The following PDE4D variants were observed in gnomAD, a reference collection of about 807,000 sequenced individuals.
The protein encoded by PDE4D is phosphodiesterase 4D.
In PDE4D, 24 loss-of-function variants were observed where a neutral mutation model predicts 87.4. That is an observed-to-expected ratio of 0.27 (90% CI 0.20 to 0.39). The LOEUF is 0.39. Among genes scored for constraint, PDE4D ranks in the 10% least tolerant of loss-of-function variants. PDE4D has a pLI of 1.00. For synonymous variants in PDE4D, 384 were observed against 383.2 expected (o/e 1.00, Z -0.02); for missense variants, 714 against 1,041.0 (o/e 0.69, Z 4.32).
intron 1 of PDE4D, among the ~76,000 whole-genome samples, chr5:59,416,105 C>A (rs1793561790): frequency 6.6e-6 from 1 of 152,218 alleles, no homozygotes; most frequent in Non-Finnish European, 1.5e-5. Context: ...AATCTCCCTA[C>A]TCTCTTGTCC....
In PDE4D at chr5:58,975,991, T is replaced by C. The variant is rs1404840007; in HGVS notation, c.1831-152A>G. 6.6e-6 allele frequency among the ~76,000 whole-genome samples: 1 copy of C among 152,210 alleles called. No homozygotes were observed. ...CCAAACAGCTCAACCATGATGTGTC[T>C]GTGTATAGTTCACACTTGTATTAAT... On this transcript the variant is annotated intron_variant, in intron 13 of 14. Transcript: ENST00000340635. This position sits in a 1 kb window ranked among gnomAD's most constrained non-coding sequence, Gnocchi z 4.2.
chr5:59,046,420 A>ATGTG (rs34085161), intron 5 of PDE4D, among the ~76,000 whole-genome samples: 23,457 of 143,204 alleles, frequency 0.16, 2,362 homozygotes, highest in East Asian at 0.57. Context: ...GAGAGAGAGA[A>ATGTG]TGTGTGTGTG....
At chr5:60,049,617 A>G (rs1362990442) in intron 2 of PDE4D, among the ~76,000 whole-genome samples, 3 of 152,056 alleles carry the variant, frequency 2.0e-5, no homozygotes, top group East Asian at 1.9e-4. Flanking sequence ...CTGTTGGAGT[A>G]CCCAGCCGTG....
intron 5 of PDE4D, among the ~76,000 whole-genome samples, chr5:59,048,605 C>T (rs537113792): frequency 6.6e-6 from 1 of 152,266 alleles, no homozygotes; most frequent in African/African-American, 2.4e-5. Context: ...GTCAAGGATC[C>T]CATCCAATAC....
intron 1 of PDE4D, among the ~76,000 whole-genome samples, chr5:59,545,779 G>A (rs767358348): frequency 3.3e-5 from 5 of 151,850 alleles, no homozygotes; most frequent in African/African-American, 4.8e-5. Flanking sequence ...TAATCATGAG[G>A]GTATTTTCTT....
intron 1 of PDE4D, among the ~76,000 whole-genome samples, chr5:59,506,238 T>A (rs1809238162): frequency 6.6e-6 from 1 of 152,198 alleles, no homozygotes; most frequent in Admixed American, 6.5e-5. Context: ...GACTTCATTT[T>A]TTAGAGGAGT....
intron 2 of PDE4D, among the ~76,000 whole-genome samples, chr5:60,066,317 T>C (rs1772086231): frequency 1.3e-5 from 2 of 152,170 alleles, no homozygotes; most frequent in South Asian, 2.1e-4. Context: ...TTGAGTTCAT[T>C]GTAGATTCTA....
chr5:60,107,434 G>A (rs930637807), intron 2 of PDE4D, among the ~76,000 whole-genome samples: 2 of 152,160 alleles, frequency 1.3e-5, no homozygotes, highest in African/African-American at 2.4e-5. Context: ...GAGGTACAAG[G>A]AGGAGCTGCT....
chr5:59,837,760 G>A (rs1432522402), intron 1 of PDE4D, among the ~76,000 whole-genome samples: 4 of 152,034 alleles, frequency 2.6e-5, no homozygotes, highest in African/African-American at 4.8e-5. Flanking sequence ...TAACAGATTC[G>A]AGAGTTTCCA....
At chr5:59,465,904 G>C (rs899129142) in intron 1 of PDE4D, among the ~76,000 whole-genome samples, 14 of 152,158 alleles carry the variant, frequency 9.2e-5, no homozygotes, top group African/African-American at 3.4e-4. Flanking sequence ...GACTCAGGTG[G>C]ACTTAGTAAC....
intron 1 of PDE4D, among the ~76,000 whole-genome samples, chr5:59,863,707 T>C (rs1173271642): frequency 6.6e-6 from 1 of 152,228 alleles, no homozygotes; most frequent in East Asian, 1.9e-4. Flanking sequence ...ACCTGAGCTC[T>C]GATGGAAATG....
At chr5:59,059,188 G>T (rs1012617814) in intron 5 of PDE4D, among the ~76,000 whole-genome samples, 1 of 152,092 alleles carries the variant, frequency 6.6e-6, no homozygotes, top group African/African-American at 2.4e-5. Context: ...GGAACATTTG[G>T]CTACATCATG....
chr5:59,555,034 A>G (rs1050476669), intron 1 of PDE4D, among the ~76,000 whole-genome samples: 1 of 152,156 alleles, frequency 6.6e-6, no homozygotes, highest in Non-Finnish European at 1.5e-5. Context: ...TAATTCTACC[A>G]TAAAGGCACA....
chr5:59,890,677 C>A (rs575409758), intron 1 of PDE4D, among the ~76,000 whole-genome samples: 1 of 152,148 alleles, frequency 6.6e-6, no homozygotes. Context: ...GGGCTCACCA[C>A]CTTTGATGAG....
intron 1 of PDE4D, among the ~76,000 whole-genome samples, chr5:59,377,995 C>A (rs1019770100): frequency 2.6e-5 from 4 of 152,048 alleles, no homozygotes; most frequent in Admixed American, 6.6e-5. Flanking sequence ...ATCATTGCAG[C>A]ACTATTCACA....
intron 1 of PDE4D, among the ~76,000 whole-genome samples, chr5:60,504,391 A>T (rs1750233097): frequency 1.3e-5 from 2 of 152,000 alleles, no homozygotes; most frequent in South Asian, 4.2e-4. Flanking sequence ...GTGAAAGGCA[A>T]CATTTTTTTA....
chr5:60,356,064 G>A (rs1048275990), intron 1 of PDE4D, among the ~76,000 whole-genome samples: 4 of 152,118 alleles, frequency 2.6e-5, no homozygotes, highest in African/African-American at 9.7e-5. Context: ...AATGCCTCAG[G>A]AGGGGTCCTG....
chr5:59,999,974 A>G (rs1763875577), intron 2 of PDE4D, among the ~76,000 whole-genome samples: 1 of 151,990 alleles, frequency 6.6e-6, no homozygotes, highest in Non-Finnish European at 1.5e-5. Flanking sequence ...GACTCCATCA[A>G]GCAGAAGAAA....
intron 1 of PDE4D, among the ~76,000 whole-genome samples, chr5:60,480,864 C>A (rs1748678832): frequency 6.6e-6 from 1 of 152,000 alleles, no homozygotes; most frequent in African/African-American, 2.4e-5. Flanking sequence ...TTCAGTTTCA[C>A]CAAAATAAAA....
Sources: allele counts gnomAD v4.1 joint callset (sites outside exome capture counted in the v4.1 genomes callset), GRCh38; gene constraint gnomAD v4.1.1; non-coding constraint Gnocchi (gnomAD v3.1); transcripts MANE v1.5; gene names NCBI Gene and HGNC (gene_info 2026-07-23, HGNC 2026-07-21).